The following DFFB variants were observed in gnomAD, a reference collection of about 807,000 sequenced individuals.
DFFB encodes DNA fragmentation factor 40 kDa subunit.
In DFFB, 29 loss-of-function variants were observed where a neutral mutation model predicts 32.7. That is an observed-to-expected ratio of 0.89 (90% CI 0.66 to 1.21). The LOEUF is 1.21. Ranked by LOEUF, DFFB falls within the 50% of genes most tolerant of loss-of-function variation. The pLI is 0.00. For synonymous variants in DFFB, 170 were observed against 177.1 expected, an observed-to-expected ratio of 0.96 and a Z score of 0.32; for missense variants, 398 against 440.6, an observed-to-expected ratio of 0.90 and a Z score of 0.87.
Position 3,883,865 on chromosome 1 carries a change from TA to T in DFFB, c.*130del. 1 of 688,968 alleles carries T rather than the reference TA, an allele frequency of 1.5e-6. No homozygotes were observed. Among genetic ancestry groups the T allele is most frequent in the Non-Finnish European group, 2.5e-6 (1 of 403,852 alleles). The allele number at this position is 688,968 out of a possible 1,614,324, so 42.7% of individuals were successfully genotyped here. A position where few individuals can be genotyped will look rare whatever the true frequency, so the allele number is the denominator to read the frequency against. Reference sequence around the variant, plus strand: ...CTCCAGTAGCTCCTGGAAAAAACCTTAAAAAATGTTTCCTCCAAATCTGATT... The same window carrying T: ...CTCCAGTAGCTCCTGGAAAAAACCTTAAAAATGTTTCCTCCAAATCTGATT... On this transcript the variant is annotated 3_prime_UTR_variant, in exon 7 of 7. Transcript: ENST00000378209.
At chr1:3,877,518 C>T (rs748370361) in intron 6 of DFFB, among the ~76,000 whole-genome samples, 47 of 151,634 alleles carry the variant, frequency 3.1e-4, no homozygotes, top group Non-Finnish European at 5.7e-4. Context: ...TTGGTAGAGA[C>T]GGGGTTTCAC....
chr1:3,868,029 C>A lies in DFFB; in HGVS notation c.486C>A (p.Ser162Arg). 6.2e-7 allele frequency: 1 copy of A among 1,614,086 alleles called. No homozygotes were observed. Among genetic ancestry groups the A allele is most frequent in the Admixed American group, 1.7e-5 (1 of 60,004 alleles). The change falls in exon 4 of 7, where the codon AGC becomes AGA. Residue 162 changes from serine to arginine, a missense_variant. Coordinates refer to ENST00000378209, the MANE Select transcript of DFFB (RefSeq NM_004402.4). The part of the protein sequence containing the change: ...KSGYLRYSCE[S>R]RIRSYLREVS... ...GCTATCTGAGATACAGCTGTGAGAG[C>A]CGGATCCGGAGTTACCTGAGGGAGG...
rs558061030 is a variant in DFFB at position 3,869,617 on chromosome 1, C to A, written c.523C>A (p.Pro175Thr). The change falls in exon 5 of 7, where the codon CCC becomes ACC. Residue 175 changes from proline (P) to threonine (T), a missense_variant. Transcript: ENST00000378209. ...TTGGTTCCTCCAGGTGAGCTCCTACCCCTCCACGGTGGGTGCGGAGGCTCA... is the reference window on the plus strand; with the variant it reads ...TTGGTTCCTCCAGGTGAGCTCCTACACCTCCACGGTGGGTGCGGAGGCTCA... The part of the protein sequence containing the change: ...RSYLREVSSY[P>T]STVGAEAQEE... 1.1e-5 allele frequency: 17 copies of A among 1,611,256 alleles called. No individual in the cohort carries two copies. In the East Asian group the frequency reaches 3.6e-4, roughly 34 times the overall value.
chr1:3,880,671 G>A (rs1176833626), intron 6 of DFFB, among the ~76,000 whole-genome samples: 2 of 151,856 alleles, frequency 1.3e-5, no homozygotes, highest in Admixed American at 1.3e-4. Context: ...AGTGTGTCAC[G>A]GTGCCTTCAG....
intron 2 of DFFB, among the ~76,000 whole-genome samples, chr1:3,859,943 GTCTC>G (rs758234272): frequency 7.9e-5 from 12 of 152,044 alleles, no homozygotes; most frequent in Non-Finnish European, 1.5e-4. Context: ...CGCAGTCTCT[GTCTC>G]TCTCCTCTGT....
rs752601088 is a variant in DFFB at position 3,858,762 on chromosome 1, G to T, written c.159G>T (p.Thr53=). ...GSRLCLYEDG[T]ELTEDYFPSV... ...GGCTGTGCCTGTACGAGGATGGCAC[G>T]GAGCTGACGGAAGATTACTTCCCCA... is the stretch of plus-strand genomic sequence containing the variant. The change falls in exon 2 of 7, where the codon ACG becomes ACT. Residue 53 remains threonine, a synonymous_variant. Transcript: ENST00000378209. 1.2e-6 allele frequency: 2 copies of T among 1,614,050 alleles called. No homozygotes were observed. Among genetic ancestry groups the T allele is most frequent in the Non-Finnish European group, 1.7e-6 (2 of 1,180,050 alleles).
intron 5 of DFFB, among the ~76,000 whole-genome samples, chr1:3,871,258 A>C (rs1015579093): frequency 2.6e-5 from 4 of 152,064 alleles, no homozygotes; most frequent in African/African-American, 4.8e-5. Context: ...ATGAGGGAAA[A>C]AGAAGGATCT....
chr1:3,878,897 T>C (rs913692634), intron 6 of DFFB, among the ~76,000 whole-genome samples: 9 of 152,242 alleles, frequency 5.9e-5, no homozygotes, highest in South Asian at 2.1e-4. Flanking sequence ...GTGTAGCCCT[T>C]AGTGTTTCTT....
intron 6 of DFFB, among the ~76,000 whole-genome samples, chr1:3,875,778 T>G (rs112169818): frequency 0.028 from 4,291 of 152,162 alleles, 178 homozygotes; most frequent in African/African-American, 0.098. Flanking sequence ...ATCACAAGTT[T>G]TATTTATTTA....
chr1:3,871,401 C>T (rs532607176), intron 5 of DFFB, among the ~76,000 whole-genome samples: 6 of 152,326 alleles, frequency 3.9e-5, no homozygotes, highest in African/African-American at 1.2e-4. Context: ...ATTCTCCTGC[C>T]TCAGCCTCCC....
In DFFB at chr1:3,866,018, C is replaced by G. The variant is rs1409981648; in HGVS notation, c.430+18C>G. On this transcript the variant is annotated intron_variant, in intron 3 of 6. Coordinates refer to ENST00000378209, the MANE Select transcript of DFFB (RefSeq NM_004402.4). ...GTTTGAAGGTGCGTGGGGGCTGCAG[C>G]TGGCAGGGGAGAGGCTTCTTTGGAG... 2 of 1,526,452 alleles carry G rather than the reference C, an allele frequency of 1.3e-6. No homozygotes were observed. Among genetic ancestry groups the G allele is most frequent in the African/African-American group, 2.8e-5 (2 of 72,294 alleles). The allele number at this position is 1,526,452 out of a possible 1,614,324, so 94.6% of individuals were successfully genotyped here.
intron 6 of DFFB, among the ~76,000 whole-genome samples, chr1:3,876,514 C>G (rs1645224590): frequency 6.6e-6 from 1 of 152,212 alleles, no homozygotes; most frequent in Non-Finnish European, 1.5e-5. Flanking sequence ...CGGAAAGTTG[C>G]AGAGACAGTG....
At chr1:3,860,517 C>A in intron 2 of DFFB, 1 of 419,058 alleles carries the variant, frequency 2.4e-6, no homozygotes, top group Non-Finnish European at 4.9e-6. Flanking sequence ...GTATGAGCCA[C>A]TGTGCCTGGC....
intron 1 of DFFB, among the ~76,000 whole-genome samples, chr1:3,858,267 C>T (rs1173346724): frequency 2.0e-5 from 3 of 152,198 alleles, no homozygotes; most frequent in Non-Finnish European, 2.9e-5. Flanking sequence ...GGGAACCGGA[C>T]TCCAACAAAT....
Position 3,865,566 on chromosome 1 carries a change from C to A in DFFB, c.242-246C>A. 3.3e-6 allele frequency: 2 copies of A among 614,160 alleles called. No individual in the cohort carries two copies. Among genetic ancestry groups the A allele is most frequent in the South Asian group, 1.9e-5 (1 of 51,810 alleles). 38.0% of individuals were successfully genotyped at this position (614,160 alleles called of 1,614,324 possible). A position where few individuals can be genotyped will look rare whatever the true frequency, so the allele number is the denominator to read the frequency against. ...ATGGGAAAGCGGCCGTCTCTTGGTG[C>A]GCTTTCATCTGTCCTCTAAAGCACA... On this transcript the variant is annotated intron_variant, in intron 2 of 6. Transcript: ENST00000378209. The surrounding 1 kb of genome is among the most constrained non-coding windows in gnomAD (Gnocchi z 4.7).
chr1:3,858,798 C>A lies in DFFB; in HGVS notation c.195C>A (p.Asp65Glu). ...LTEDYFPSVPDNAELVLLTLG... is the reference protein window; with the variant it reads ...LTEDYFPSVPENAELVLLTLG... ...AAGATTACTTCCCCAGTGTTCCCGA[C>A]AACGCCGAGCTGGTGCTGCTCACCT... Residue 65 changes from aspartate to glutamate, a missense_variant, in exon 2 of 7, where the codon GAC (aspartate) becomes GAA (glutamate). Asp to Glu is a conservative substitution (Grantham distance 45). Transcript: ENST00000378209. 1 of 1,614,132 alleles carries A rather than the reference C, an allele frequency of 6.2e-7. No homozygotes were observed. The highest frequency in any genetic ancestry group is 1.3e-5 in the African/African-American group (1 of 75,046).
intron 3 of DFFB, chr1:3,866,282 A>G: frequency 2.0e-6 from 1 of 500,120 alleles, no homozygotes; most frequent in Non-Finnish European, 3.8e-6. Context: ...TCTGTCCCCC[A>G]GGCTGGAGTG....
chr1:3,867,052 C>G (rs553548268), intron 3 of DFFB, among the ~76,000 whole-genome samples: 1 of 152,134 alleles, frequency 6.6e-6, no homozygotes, highest in Non-Finnish European at 1.5e-5. Flanking sequence ...CCTGCCACCA[C>G]GCCTGGCTAA....
chr1:3,857,733 G>A lies in DFFB; in HGVS notation c.114+16G>A. On this transcript the variant is annotated intron_variant, in intron 1 of 6. Coordinates refer to ENST00000378209, the MANE Select transcript of DFFB (RefSeq NM_004402.4). ...CCGCTTCCAGGTGCCCGCTGGGCTA[G>A]GCGGGGACGGCCCGTCGGGGAGGCG... is the stretch of plus-strand genomic sequence containing the variant. 1 of 1,466,172 alleles carries A rather than the reference G, an allele frequency of 6.8e-7. No individual in the cohort carries two copies. Among genetic ancestry groups the A allele is most frequent in the Non-Finnish European group, 9.1e-7 (1 of 1,101,372 alleles). 90.8% of individuals were successfully genotyped at this position (1,466,172 alleles called of 1,614,324 possible).
Sources: allele counts gnomAD v4.1 joint callset (sites outside exome capture counted in the v4.1 genomes callset), GRCh38; gene constraint gnomAD v4.1.1; non-coding constraint Gnocchi (gnomAD v3.1); transcripts MANE v1.5; gene names NCBI Gene and HGNC (gene_info 2026-07-23, HGNC 2026-07-21).